TMEM117: variants seen among roughly 807,000 people sequenced by gnomAD.
TMEM117 encodes transmembrane protein 117.
In TMEM117, 27 loss-of-function variants were observed where a neutral mutation model predicts 52.4. The ratio of observed to expected loss-of-function variants is 0.51; its 90% CI spans 0.38 to 0.71. The LOEUF (loss-of-function observed/expected upper bound fraction) is 0.71. TMEM117 is among the 30% of genes least tolerant of loss of function. TMEM117 has a pLI of 0.00. For synonymous variants in TMEM117, 215 were observed against 206.3 expected, an observed-to-expected ratio of 1.04 and a Z score of -0.36; for missense variants, 556 against 630.5, an observed-to-expected ratio of 0.88 and a Z score of 1.26.
At chr12:44,157,069 A>T (rs1948834989) in intron 4 of TMEM117, among the ~76,000 whole-genome samples, 1 of 152,170 alleles carries the variant, frequency 6.6e-6, no homozygotes, top group African/African-American at 2.4e-5. Flanking sequence ...TTATCAGGAC[A>T]AGCACTGCCA....
intron 6 of TMEM117, among the ~76,000 whole-genome samples, chr12:44,347,454 T>A (rs569294210): frequency 6.6e-5 from 10 of 152,104 alleles, no homozygotes; most frequent in Non-Finnish European, 1.5e-4. Flanking sequence ...TCTTTCAACA[T>A]AACCTCACAG....
At chr12:44,043,711 A>G (rs1267834391) in intron 3 of TMEM117, among the ~76,000 whole-genome samples, 2 of 152,168 alleles carry the variant, frequency 1.3e-5, no homozygotes, top group Non-Finnish European at 1.5e-5. Context: ...CTAAAGTCCC[A>G]GTGGGCCCCT....
chr12:44,190,068 A>T (rs555514631), intron 4 of TMEM117, among the ~76,000 whole-genome samples: 1 of 152,346 alleles, frequency 6.6e-6, no homozygotes, highest in South Asian at 2.1e-4. Context: ...CTGTGCGCAC[A>T]GTATGGATTC....
intron 5 of TMEM117, among the ~76,000 whole-genome samples, chr12:44,251,584 T>A (rs1950197566): frequency 6.6e-6 from 1 of 152,206 alleles, no homozygotes; most frequent in Non-Finnish European, 1.5e-5. Flanking sequence ...CATTACTTTA[T>A]ATGTAAGATG....
At chr12:44,257,927 CTA>C (rs1950278425) in intron 5 of TMEM117, among the ~76,000 whole-genome samples, 1 of 151,912 alleles carries the variant, frequency 6.6e-6, no homozygotes, top group African/African-American at 2.4e-5. Context: ...TAAGTCATAA[CTA>C]TGTTAATTTT....
At chr12:43,922,202 C>G (rs1313874649) in intron 2 of TMEM117, among the ~76,000 whole-genome samples, 1 of 152,114 alleles carries the variant, frequency 6.6e-6, no homozygotes, top group Non-Finnish European at 1.5e-5. Context: ...CTCTGTCTCT[C>G]TCTCTCTTTC....
intron 4 of TMEM117, among the ~76,000 whole-genome samples, chr12:44,166,956 A>G (rs1227915582): frequency 6.6e-6 from 1 of 152,214 alleles, no homozygotes; most frequent in African/African-American, 2.4e-5. Flanking sequence ...TCCTTAATAA[A>G]TATTTGTTGA....
chr12:44,174,577 C>T (rs1949092778), intron 4 of TMEM117, among the ~76,000 whole-genome samples: 1 of 152,122 alleles, frequency 6.6e-6, no homozygotes, highest in Middle Eastern at 3.4e-3. Flanking sequence ...ACTTTGAGTA[C>T]CTTTAATAAA....
At chr12:44,362,390 C>A (rs1951732795) in intron 6 of TMEM117, among the ~76,000 whole-genome samples, 1 of 152,066 alleles carries the variant, frequency 6.6e-6, no homozygotes, top group Non-Finnish European at 1.5e-5. Context: ...CTAATATTTT[C>A]TGAAATTATT....
chr12:43,923,530 C>G (rs529958837), intron 2 of TMEM117, among the ~76,000 whole-genome samples: 140 of 152,240 alleles, frequency 9.2e-4, no homozygotes, highest in African/African-American at 1.9e-3. Context: ...TATTTTTCAT[C>G]ACAAACTCAT....
the TMEM117 span, among the ~76,000 whole-genome samples, chr12:43,803,075 A>G: frequency 6.6e-6 from 1 of 152,196 alleles, no homozygotes; most frequent in African/African-American, 2.4e-5. Flanking sequence ...ATACAGTAAC[A>G]GTGAAGTTAT....
At chr12:43,949,319 A>G (rs1945183863) in intron 3 of TMEM117, among the ~76,000 whole-genome samples, 1 of 152,176 alleles carries the variant, frequency 6.6e-6, no homozygotes, top group African/African-American at 2.4e-5. Context: ...GTTTTTATAC[A>G]TTGGAATGGT....
At chr12:43,810,723 C>T in the TMEM117 span, among the ~76,000 whole-genome samples, 6 of 152,168 alleles carry the variant, frequency 3.9e-5, no homozygotes, top group African/African-American at 1.2e-4. Flanking sequence ...CACTTCCAGC[C>T]TAAACTACTC....
At chr12:44,160,554 A>G (rs1262283109) in intron 4 of TMEM117, among the ~76,000 whole-genome samples, 2 of 152,198 alleles carry the variant, frequency 1.3e-5, no homozygotes, top group Non-Finnish European at 2.9e-5. Context: ...CTGTGATTTC[A>G]TCACTTTGGG....
chr12:44,081,636 G>A (rs112935445), intron 3 of TMEM117, among the ~76,000 whole-genome samples: 3 of 152,184 alleles, frequency 2.0e-5, no homozygotes, highest in African/African-American at 7.2e-5. Flanking sequence ...CTTAAGTTCT[G>A]AGTTTGAAGC....
At chr12:44,153,929 A>G (rs903385237) in intron 4 of TMEM117, among the ~76,000 whole-genome samples, 33 of 152,210 alleles carry the variant, frequency 2.2e-4, no homozygotes, top group African/African-American at 7.9e-4. Context: ...GAACACAGGG[A>G]ATACAATATT....
chr12:44,389,344 C>T lies in TMEM117; in HGVS notation c.*672C>T, dbSNP rs968808623. On this transcript the variant is annotated 3_prime_UTR_variant, in exon 8 of 8. Coordinates refer to ENST00000266534, the MANE Select transcript of TMEM117 (RefSeq NM_032256.3). ...CAGTAATTGAAATGAGGTGATGATA[C>T]CTAATTATGTTTTCCTAATTAAAGA... 2 of 152,504 alleles carry T rather than the reference C, an allele frequency of 1.3e-5. No homozygotes were observed. The highest frequency in any genetic ancestry group is 4.8e-5 in the African/African-American group (2 of 41,414). The allele number at this position is 152,504 out of a possible 1,614,324, so 9.4% of individuals were successfully genotyped here.
At chr12:44,067,289 C>T (rs1280330119) in intron 3 of TMEM117, among the ~76,000 whole-genome samples, 1 of 152,172 alleles carries the variant, frequency 6.6e-6, no homozygotes, top group East Asian at 1.9e-4. Context: ...TTTTTACCTC[C>T]TCCCATGAAT....
chr12:43,939,013 A>T (rs981201410), intron 2 of TMEM117, among the ~76,000 whole-genome samples: 5 of 151,964 alleles, frequency 3.3e-5, no homozygotes, highest in Non-Finnish European at 7.4e-5. Flanking sequence ...ATAAAAAAAA[A>T]AATAAAAAAT....
Sources: gnomAD v4.1 joint callset for allele counts (sites outside exome capture counted in the v4.1 genomes callset) on GRCh38, gnomAD v4.1.1 for gene constraint, MANE v1.5 for transcripts, NCBI Gene and HGNC (gene_info 2026-07-23, HGNC 2026-07-21) for gene names.